The following MRC1 variants were observed in gnomAD, a reference collection of about 807,000 sequenced individuals.
MRC1 encodes the protein mannose receptor C-type 1.
Under a neutral mutation model 102.9 loss-of-function variants are expected in MRC1, and 62 were observed. The observed-to-expected ratio is 0.60, with a 90% CI of 0.49 to 0.74. The LOEUF is 0.74. MRC1 is among the 30% of genes least tolerant of loss of function. The pLI is 0.00. For synonymous variants in MRC1, 457 were observed against 298.4 expected (o/e 1.53, Z -5.48); for missense variants, 1,237 against 862.8 (o/e 1.43, Z -5.43).
chr10:17,871,948 G>A (rs1833360358), intron 14 of MRC1, 34 bp from the exon 15 acceptor site: 1 of 778,080 alleles, frequency 1.3e-6, no homozygotes, highest in African/African-American at 1.7e-5. Flanking sequence ...TGATACAAAT[G>A]GTTAATGGTT....
intron 22 of MRC1, among the ~76,000 whole-genome samples, chr10:17,888,058 C>A (rs1295003445): frequency 1.3e-5 from 2 of 152,134 alleles, no homozygotes; most frequent in Non-Finnish European, 2.9e-5. Flanking sequence ...CCTGCCTTGG[C>A]CTCCCAAAGT....
intron 4 of MRC1, among the ~76,000 whole-genome samples, chr10:17,840,123 C>G (rs980195469): frequency 1.4e-5 from 2 of 143,680 alleles, no homozygotes; most frequent in African/African-American, 5.7e-5. Flanking sequence ...CGCTGAAGAG[C>G]TGAGGTCCGT....
intron 10 of MRC1, 36 bp downstream of exon 10, chr10:17,861,538 C>A: frequency 1.2e-6 from 1 of 843,182 alleles, no homozygotes; most frequent in South Asian, 1.4e-5. Context: ...TAAAATATGT[C>A]AAATAGAAAA....
intron 12 of MRC1, among the ~76,000 whole-genome samples, chr10:17,868,974 T>G (rs1833317448): frequency 6.6e-6 from 1 of 152,334 alleles, no homozygotes; most frequent in Admixed American, 6.5e-5. Context: ...GCCAGATTCA[T>G]CTTATTCCTA....
chr10:17,821,106 AG>A (rs1485342640), intron 1 of MRC1, among the ~76,000 whole-genome samples: 2 of 152,182 alleles, frequency 1.3e-5, no homozygotes, highest in African/African-American at 4.8e-5. Flanking sequence ...GTCTGGATCC[AG>A]GCTTTACTGA....
At chr10:17,810,955 G>A (rs1838211895) in intron 1 of MRC1, among the ~76,000 whole-genome samples, 1 of 152,104 alleles carries the variant, frequency 6.6e-6, no homozygotes, top group Non-Finnish European at 1.5e-5. Context: ...ACCATGCCCA[G>A]CTGATTTTTG....
At chr10:17,897,602 G>A (rs2130713591) in intron 23 of MRC1, among the ~76,000 whole-genome samples, 1 of 152,254 alleles carries the variant, frequency 6.6e-6, no homozygotes, top group African/African-American at 2.4e-5. Context: ...GGATCAAGTA[G>A]AACAAATGAG....
chr10:17,878,423 C>G (rs2130687156), intron 18 of MRC1, among the ~76,000 whole-genome samples: 1 of 152,248 alleles, frequency 6.6e-6, no homozygotes, highest in African/African-American at 2.4e-5. Context: ...GAAATACATT[C>G]CCTTTAAAAG....
At chr10:17,834,147 G>A (rs1039336552) in intron 4 of MRC1, among the ~76,000 whole-genome samples, 2 of 152,166 alleles carry the variant, frequency 1.3e-5, no homozygotes, top group Non-Finnish European at 2.9e-5. Flanking sequence ...TGGACGCAAG[G>A]CAGTGGAACA....
At chr10:17,888,744 T>C (rs1833634896) in intron 22 of MRC1, among the ~76,000 whole-genome samples, 1 of 152,236 alleles carries the variant, frequency 6.6e-6, no homozygotes, top group Non-Finnish European at 1.5e-5. Flanking sequence ...TCTACTATTA[T>C]TGGAAGAAGT....
rs1373263058 is a variant in MRC1 at position 17,833,666 on chromosome 10, C to A, written c.638-9C>A. The A allele has an allele frequency of 3.8e-6, 3 of 780,930 alleles. No individual in the cohort carries two copies. The highest frequency in any genetic ancestry group is 3.4e-5 in the African/African-American group (2 of 59,232). 48.4% of individuals were successfully genotyped at this position (780,930 alleles called of 1,614,324 possible). A position where few individuals can be genotyped will look rare whatever the true frequency, so the allele number is the denominator to read the frequency against. ...TAATGAACCAAATTCCATCTGATTT[C>A]TTTCACAGTTGAGGGCAGTGAAAGC... is the stretch of plus-strand genomic sequence containing the variant. On this transcript the variant is annotated splice_polypyrimidine_tract_variant and intron_variant, in intron 3 of 29. Transcript: ENST00000569591.
At chr10:17,854,552 G>A (rs1195144517) in intron 8 of MRC1, among the ~76,000 whole-genome samples, 4 of 152,178 alleles carry the variant, frequency 2.6e-5, no homozygotes. Context: ...AGAAACATGA[G>A]TTGTCTCGGA....
chr10:17,879,608 T>C, intron 18 of MRC1, 113 bp from the exon 19 acceptor site: 1 of 778,122 alleles, frequency 1.3e-6, no homozygotes, highest in South Asian at 1.3e-5. Flanking sequence ...GGTGATCCAC[T>C]CGCCTCGGCC....
chr10:17,822,535 C>T (rs1029559367), intron 1 of MRC1, among the ~76,000 whole-genome samples: 1 of 152,160 alleles, frequency 6.6e-6, no homozygotes, highest in Non-Finnish European at 1.5e-5. Flanking sequence ...GCAGGAAGAT[C>T]ACTTGAGCCC....
chr10:17,894,960 C>T (rs1300336780), intron 23 of MRC1, among the ~76,000 whole-genome samples: 5 of 152,116 alleles, frequency 3.3e-5, no homozygotes, highest in African/African-American at 1.2e-4. Context: ...ATTGCTTGAG[C>T]CCCCGCATTT....
At chr10:17,825,442 G>C (rs1838460602) in intron 2 of MRC1, among the ~76,000 whole-genome samples, 1 of 152,126 alleles carries the variant, frequency 6.6e-6, no homozygotes, top group Non-Finnish European at 1.5e-5. Flanking sequence ...TTATTAAACA[G>C]AGTTAGTTAA....
intron 10 of MRC1, 85 bp from the exon 11 acceptor site, chr10:17,863,449 C>T: frequency 1.3e-6 from 1 of 774,636 alleles, no homozygotes; most frequent in Non-Finnish European, 2.4e-6. Flanking sequence ...AAACATAGGA[C>T]TGAGATAGTT....
intron 22 of MRC1, among the ~76,000 whole-genome samples, chr10:17,891,205 TG>T (rs1319044066): frequency 1.3e-5 from 2 of 151,422 alleles, no homozygotes; most frequent in Non-Finnish European, 2.9e-5. Flanking sequence ...CTCACTCTGT[TG>T]CCCAGGCTGG....
intron 22 of MRC1, 21 bp from the exon 23 acceptor site, chr10:17,894,189 T>C (rs1833719674): frequency 5.7e-6 from 5 of 870,690 alleles, no homozygotes; most frequent in Non-Finnish European, 1.0e-5. Flanking sequence ...GTTTTCTTTT[T>C]CTTTCTCCAT....
Sources: allele counts gnomAD v4.1 joint callset (sites outside exome capture counted in the v4.1 genomes callset), GRCh38; gene constraint gnomAD v4.1.1; transcripts MANE v1.5; gene names NCBI Gene and HGNC (gene_info 2026-07-23, HGNC 2026-07-21).